Variants in HMCN2 observed in about 807,000 individuals in gnomAD.
HMCN2 encodes hemicentin-2.
HMCN2 carries 325 observed loss-of-function variants against 377.5 expected under a neutral mutation model. The ratio of observed to expected loss-of-function variants is 0.86; its 90% CI spans 0.79 to 0.94. HMCN2 has a LOEUF of 0.94. Among genes scored for constraint, HMCN2 ranks in the 40% least tolerant of loss-of-function variants. The probability of loss-of-function intolerance (pLI) is 0.00; values close to 1 mark genes in which losing one functional copy is unlikely to be tolerated. For synonymous variants in HMCN2, 2,007 were observed against 2,046.8 expected (o/e 0.98, Z 0.53); for missense variants, 4,543 against 4,725.3 (o/e 0.96, Z 1.13).
rs764827657 is a variant in HMCN2 at position 130,362,866 on chromosome 9, G to T, written c.6109-1G>T. On this transcript the variant is annotated splice_acceptor_variant, in intron 39 of 97. Coordinates refer to ENST00000683500, the MANE Select transcript of HMCN2 (RefSeq NM_001291815.2). LOFTEE classifies it high-confidence loss of function. ...ATTTGGGCTTCCCCCTGGGGTCACA[G>T]GTCTTCCCTGGGGGCCGGGTCCTCA... The T allele has an allele frequency of 8.1e-6, 8 of 985,926 alleles. No homozygotes were observed. In the East Asian group the frequency reaches 7.9e-4, roughly 98 times the overall value. 61.1% of individuals were successfully genotyped at this position (985,926 alleles called of 1,614,324 possible). A position where few individuals can be genotyped will look rare whatever the true frequency, so the allele number is the denominator to read the frequency against.
At chr9:130,307,889 T>A (rs535968047) in intron 14 of HMCN2, among the ~76,000 whole-genome samples, 80 of 152,276 alleles carry the variant, frequency 5.3e-4, no homozygotes, top group African/African-American at 1.9e-3. Flanking sequence ...CAAAGATAGG[T>A]TGGTTGCGTG....
intron 41 of HMCN2, among the ~76,000 whole-genome samples, chr9:130,365,119 C>G (rs963145842): frequency 1.3e-5 from 2 of 152,336 alleles, no homozygotes; most frequent in South Asian, 2.1e-4. Flanking sequence ...CTCCCACCCC[C>G]CTACACCTTG....
Position 130,410,661 on chromosome 9 carries a change from C to T in HMCN2, c.12961+9C>T, listed in dbSNP as rs1189174704. ...GATCCTCGTCCTGCAGAGTGAGTCT[C>T]GGCCTCAGCAGAGTGGGGACGTGGG... On this transcript the variant is annotated intron_variant, in intron 85 of 97. Transcript: ENST00000683500. 13 of 1,550,274 alleles carry T rather than the reference C, an allele frequency of 8.4e-6. No homozygotes were observed. Among genetic ancestry groups the T allele is most frequent in the East Asian group, 2.4e-5 (1 of 40,928 alleles).
At chr9:130,298,059 A>G (rs1257081800) in intron 7 of HMCN2, among the ~76,000 whole-genome samples, 1 of 152,132 alleles carries the variant, frequency 6.6e-6, no homozygotes, top group Non-Finnish European at 1.5e-5. Flanking sequence ...GATTCAAGCA[A>G]TTCTCTTGCT....
chr9:130,398,464 A>C (rs915810980), intron 74 of HMCN2, 87 bp from the exon 75 acceptor site: 1 of 635,356 alleles, frequency 1.6e-6, no homozygotes, highest in African/African-American at 1.9e-5. Flanking sequence ...GACAGTAGGC[A>C]GTGGCTTTGC....
Position 130,361,479 on chromosome 9 carries a change from C to T in HMCN2, c.5951-529C>T, listed in dbSNP as rs1202346518. On this transcript the variant is annotated intron_variant, in intron 38 of 97. Coordinates refer to ENST00000683500, the MANE Select transcript of HMCN2 (RefSeq NM_001291815.2). The surrounding 1 kb of genome is among the most constrained non-coding windows in gnomAD (Gnocchi z 4.8). ...GCTGGTGGCCATATGGAGGCTGGAC[C>T]TCTTGGGCCTCATGGGCCATGGGAG... 1.3e-5 allele frequency among the ~76,000 whole-genome samples: 2 copies of T among 152,154 alleles called. No homozygotes were observed. The highest frequency in any genetic ancestry group is 4.8e-5 in the African/African-American group (2 of 41,422).
intron 75 of HMCN2, among the ~76,000 whole-genome samples, chr9:130,399,284 T>TA (rs1842756509): frequency 6.6e-6 from 1 of 151,040 alleles, no homozygotes; most frequent in Non-Finnish European, 1.5e-5. Flanking sequence ...TGTCCATTTT[T>TA]AAAAATTGGA....
rs771126262 is a variant in HMCN2 at position 130,348,671 on chromosome 9, A to G, written c.4151A>G (p.Gln1384Arg). 3 of 1,223,906 alleles carry G rather than the reference A, an allele frequency of 2.5e-6. No individual in the cohort carries two copies. In the African/African-American group the frequency reaches 4.8e-5, roughly 20 times the overall value. 75.8% of individuals were successfully genotyped at this position (1,223,906 alleles called of 1,614,324 possible). A position where few individuals can be genotyped will look rare whatever the true frequency, so the allele number is the denominator to read the frequency against. ...GAGATCGTGTGGCTGAAGGACGCGC[A>G]GCTGGTGGGTGTCCCCCTAGGGTGG... Reference protein sequence around the residue: ...VPEIVWLKDAQLIPKVGGHRL... With the variant: ...VPEIVWLKDARLIPKVGGHRL... The change falls in exon 27 of 98, where the codon CAG (glutamine) becomes CGG (arginine). Residue 1384 changes from glutamine to arginine, a missense_variant. Gln to Arg is a conservative substitution (Grantham distance 43). Coordinates refer to ENST00000683500, the MANE Select transcript of HMCN2 (RefSeq NM_001291815.2).
chr9:130,294,054 A>G (rs1351608276), intron 4 of HMCN2, among the ~76,000 whole-genome samples: 9 of 152,144 alleles, frequency 5.9e-5, no homozygotes, highest in Non-Finnish European at 2.9e-5. Flanking sequence ...GGGTTGGCAT[A>G]GGTGCCTAGG....
intron 40 of HMCN2, among the ~76,000 whole-genome samples, chr9:130,364,496 T>A (rs1018542065): frequency 2.0e-5 from 3 of 152,188 alleles, no homozygotes; most frequent in Non-Finnish European, 4.4e-5. Context: ...TGAGCTTCCT[T>A]CCCCAATTTC....
At chr9:130,277,463 G>C (rs1235158791) in intron 1 of HMCN2, among the ~76,000 whole-genome samples, 1 of 152,174 alleles carries the variant, frequency 6.6e-6, no homozygotes, top group Non-Finnish European at 1.5e-5. Flanking sequence ...GGGTCAGACT[G>C]ACCTAGACTG....
rs1266879687 is a variant in HMCN2, at chr9:130,405,953, A to G, written c.12340-2A>G. On this transcript the variant is annotated splice_acceptor_variant, in intron 81 of 97. Transcript: ENST00000683500. LOFTEE classifies it high-confidence loss of function. ...CCGGCCAACCCCTTTCTTTGCTCAC[A>G]GGGCCAGGACGCAGGCACCTATACC... The G allele has an allele frequency of 7.8e-7, 1 of 1,281,596 alleles. No homozygotes were observed. The highest frequency in any genetic ancestry group is 5.6e-5 in the East Asian group (1 of 17,756). The allele number at this position is 1,281,596 out of a possible 1,614,324, so 79.4% of individuals were successfully genotyped here.
At chr9:130,405,378 C>T (rs1210812754) in intron 81 of HMCN2, among the ~76,000 whole-genome samples, 1 of 152,244 alleles carries the variant, frequency 6.6e-6, no homozygotes, top group Non-Finnish European at 1.5e-5. Context: ...CATGCGTTGG[C>T]ATTAACCGTC....
chr9:130,277,303 C>G (rs754714993), intron 1 of HMCN2, among the ~76,000 whole-genome samples: 1 of 152,204 alleles, frequency 6.6e-6, no homozygotes, highest in Non-Finnish European at 1.5e-5. Flanking sequence ...CAGGCCTGCT[C>G]GGAGGGACTG....
At position 130,369,703 on chromosome 9, in the gene HMCN2, C is replaced by T. The variant is rs971053387; in HGVS notation, c.6921C>T (p.Pro2307=). 13 of 985,914 alleles carry T rather than the reference C, an allele frequency of 1.3e-5. No homozygotes were observed. Among genetic ancestry groups the T allele is most frequent in the Non-Finnish European group, 1.6e-5 (13 of 830,094 alleles). The allele number at this position is 985,914 out of a possible 1,614,324, so 61.1% of individuals were successfully genotyped here. ...PTVTWERDGQ[P]VGAELGLQLQ... is the part of the protein sequence containing the mutation. ...TGACATGGGAGCGGGACGGCCAGCC[C>T]GTGGGGGCTGAACTGGGCCTGCAGC... Residue 2307 remains proline, a synonymous_variant, in exon 45 of 98, where the codon CCC becomes CCT. Transcript: ENST00000683500. The surrounding 1 kb of genome is among the most constrained non-coding windows in gnomAD (Gnocchi z 4.5).
intron 90 of HMCN2, among the ~76,000 whole-genome samples, chr9:130,426,870 G>A (rs1844407539): frequency 2.0e-5 from 3 of 151,766 alleles, no homozygotes; most frequent in Admixed American, 2.0e-4. Flanking sequence ...CGAAAGATAG[G>A]ACACCCCTGA....
At chr9:130,323,647 T>C (rs1457590081) in intron 19 of HMCN2, among the ~76,000 whole-genome samples, 3 of 151,792 alleles carry the variant, frequency 2.0e-5, no homozygotes, top group Non-Finnish European at 4.4e-5. Flanking sequence ...TGGCAGGCAG[T>C]GGTGGCTCAG....
chr9:130,292,550 G>C (rs148789975), intron 4 of HMCN2, among the ~76,000 whole-genome samples: 144 of 152,286 alleles, frequency 9.5e-4, no homozygotes, highest in Non-Finnish European at 1.9e-3. Flanking sequence ...CTTCGATTAA[G>C]GAGTCACTTC....
At chr9:130,274,809 A>C (rs1834597324) in intron 1 of HMCN2, among the ~76,000 whole-genome samples, 2 of 152,226 alleles carry the variant, frequency 1.3e-5, no homozygotes, top group Admixed American at 1.3e-4. Flanking sequence ...CTGTCAGGAA[A>C]CAGAGATCCT....
Sources: allele counts gnomAD v4.1 joint callset (sites outside exome capture counted in the v4.1 genomes callset), GRCh38; gene constraint gnomAD v4.1.1; non-coding constraint Gnocchi (gnomAD v3.1); transcripts MANE v1.5; gene names NCBI Gene and HGNC (gene_info 2026-07-23, HGNC 2026-07-21).